Variants in SPATA18 observed in about 807,000 individuals in gnomAD.
SPATA18 encodes mitochondria-eating protein.
A neutral mutation model predicts 68.1 loss-of-function variants in SPATA18; 54 were observed. The observed-to-expected ratio is 0.79, with a 90% CI of 0.64 to 0.99. The LOEUF is 0.99. Among genes scored for constraint, SPATA18 ranks in the 50% least tolerant of loss-of-function variants. The pLI, the probability that SPATA18 is intolerant of heterozygous loss-of-function variation, is 0.00. For missense variants in SPATA18, 724 were observed against 681.1 expected (o/e 1.06, Z -0.70); for synonymous variants, 242 against 244.8 (o/e 0.99, Z 0.11).
chr4:52,087,252 G>A (rs1320030980), intron 11 of SPATA18, among the ~76,000 whole-genome samples: 2 of 152,124 alleles, frequency 1.3e-5, no homozygotes, highest in Non-Finnish European at 2.9e-5. Flanking sequence ...CTTTTGCTGT[G>A]CAAAAGCTCT....
rs140790514 is a variant in SPATA18, at chr4:52,084,971, G to T, written c.1535G>T (p.Cys512Phe). The T allele has an allele frequency of 6.2e-7, 1 of 1,613,524 alleles. No individual in the cohort carries two copies. The highest frequency in any genetic ancestry group is 1.1e-5 in the South Asian group (1 of 91,054). ...RCRSRSLSPI[C>F]PRSQIGLNTM... is the part of the protein sequence containing the mutation. Reference sequence around the variant, plus strand: ...CGAAGCAGGAGTTTAAGTCCCATTTGCCCCCGTAGCCAAATTGGTTTAAAC... The same window carrying T: ...CGAAGCAGGAGTTTAAGTCCCATTTTCCCCCGTAGCCAAATTGGTTTAAAC... The change falls in exon 11 of 13, where the codon TGC (cysteine) becomes TTC (phenylalanine). Residue 512 changes from cysteine (C) to phenylalanine (F), a missense_variant. Physicochemically the swap from Cys to Phe is radical, Grantham distance 205 (BLOSUM62 -2). Transcript: ENST00000295213.
intron 9 of SPATA18, among the ~76,000 whole-genome samples, chr4:52,080,989 A>G (rs1354809019): frequency 6.6e-6 from 1 of 152,206 alleles, no homozygotes. Context: ...ATAGCATGTA[A>G]TATTTTCTTG....
chr4:52,076,750 T>A, intron 6 of SPATA18, 29 bp from the exon 7 acceptor site: 1 of 1,605,878 alleles, frequency 6.2e-7, no homozygotes, highest in Non-Finnish European at 8.5e-7. Context: ...ATCAAAGGAT[T>A]TCCCTGGCTG....
intron 1 of SPATA18, among the ~76,000 whole-genome samples, chr4:52,055,028 T>G (rs1738218318): frequency 6.6e-6 from 1 of 152,094 alleles, no homozygotes; most frequent in Non-Finnish European, 1.5e-5. Flanking sequence ...AGTAGCTTCA[T>G]GCAGTCCAGA....
chr4:52,065,851 C>T (rs886662248), intron 4 of SPATA18, among the ~76,000 whole-genome samples: 1 of 152,184 alleles, frequency 6.6e-6, no homozygotes, highest in African/African-American at 2.4e-5. Flanking sequence ...TGATGAACCC[C>T]CAAGCAAGGG....
In SPATA18 at chr4:52,078,884, C is replaced by G; in HGVS notation, c.1170C>G (p.Ser390Arg). The G allele has an allele frequency of 6.3e-7, 1 of 1,580,742 alleles. No individual in the cohort carries two copies. Among genetic ancestry groups the G allele is most frequent in the African/African-American group, 1.3e-5 (1 of 74,614 alleles). ...ICHLDLYDSQ[S>R]SVNDVIRAMN... is the part of the protein sequence containing the mutation. ...ATCTTGATCTATATGATTCTCAAAG[C>G]AGTGTCAATGTAAGTGTTGAGTCTT... Residue 390 changes from serine (S) to arginine (R), a missense_variant, in exon 8 of 13, where the codon AGC becomes AGG. By Grantham distance (110) the Ser-to-Arg change is moderately radical. Transcript: ENST00000295213.
At chr4:52,085,318 G>A (rs1330902766) in intron 11 of SPATA18, among the ~76,000 whole-genome samples, 1 of 152,126 alleles carries the variant, frequency 6.6e-6, no homozygotes, top group Non-Finnish European at 1.5e-5. Context: ...GGATACCATA[G>A]TCAACTGATC....
At chr4:52,094,738 C>G (rs987988429) in intron 12 of SPATA18, 142 bp from the exon 13 acceptor site, 1 of 1,302,118 alleles carries the variant, frequency 7.7e-7, no homozygotes, top group African/African-American at 1.5e-5. Flanking sequence ...CCAGGCAGGT[C>G]CCATGGGTCA....
At position 52,094,695 on chromosome 4, in the gene SPATA18, A is replaced by T. The variant is rs543264629; in HGVS notation, c.1609+123A>T. 22 of 1,287,642 alleles carry T rather than the reference A, an allele frequency of 1.7e-5. No individual in the cohort carries two copies. The East Asian group carries it at 5.2e-4, about 30-fold the overall frequency. 79.8% of individuals were successfully genotyped at this position (1,287,642 alleles called of 1,614,324 possible). ...AGAGCATCTTTTTCTTACTCCTCAC[A>T]CCTTTCATGTCTGGGCCTCTGGCTG... On this transcript the variant is annotated intron_variant, in intron 12 of 12. Coordinates refer to ENST00000295213, the MANE Select transcript of SPATA18 (RefSeq NM_145263.4).
intron 6 of SPATA18, among the ~76,000 whole-genome samples, chr4:52,076,309 A>G (rs1363985265): frequency 6.6e-6 from 1 of 152,156 alleles, no homozygotes; most frequent in Non-Finnish European, 1.5e-5. Context: ...AGGATACATG[A>G]AAATTTTTAT....
Position 52,069,886 on chromosome 4 carries a change from C to A in SPATA18, c.488C>A (p.Ala163Glu). 6.3e-7 allele frequency: 1 copy of A among 1,590,794 alleles called. No homozygotes were observed. The highest frequency in any genetic ancestry group is 8.6e-7 in the Non-Finnish European group (1 of 1,165,646). ...AGATCGGCCATATCCCTTTTGGCTG[C>A]AGAGGAGGAAATAAATCAGCTGAAA... is the stretch of plus-strand genomic sequence containing the variant. The part of the protein sequence containing the change: ...KNRSAISLLA[A>E]EEEINQLKKQ... The change falls in exon 5 of 13, where the codon GCA becomes GAA. Residue 163 changes from alanine to glutamate, a missense_variant. Coordinates refer to ENST00000295213, the MANE Select transcript of SPATA18 (RefSeq NM_145263.4).
intron 9 of SPATA18, among the ~76,000 whole-genome samples, chr4:52,080,952 A>G (rs1740867920): frequency 6.6e-6 from 1 of 152,228 alleles, no homozygotes; most frequent in Non-Finnish European, 1.5e-5. Context: ...TGCAAATCAC[A>G]ACAATAATGA....
intron 10 of SPATA18, chr4:52,082,972 G>A (rs959899747): frequency 2.0e-6 from 2 of 985,390 alleles, no homozygotes; most frequent in African/African-American, 3.5e-5. Context: ...GGGAGGGATG[G>A]AGACAAAGAG....
In SPATA18 at chr4:52,062,300, A is replaced by T; in HGVS notation, c.390A>T (p.Ser130=). 6.2e-7 allele frequency: 1 copy of T among 1,610,852 alleles called. No individual in the cohort carries two copies. Among genetic ancestry groups the T allele is most frequent in the Non-Finnish European group, 8.5e-7 (1 of 1,178,150 alleles). ...AACAGTTAGACTCTAATTTGAACTCAACCCGGAGTCAATGCAACCAGGTTC... is the reference window on the plus strand; with the variant it reads ...AACAGTTAGACTCTAATTTGAACTCTACCCGGAGTCAATGCAACCAGGTTC... ...DMQQLDSNLN[S]TRSQCNQVQD... Residue 130 remains serine, a synonymous_variant, in exon 4 of 13, where the codon TCA becomes TCT. Coordinates refer to ENST00000295213, the MANE Select transcript of SPATA18 (RefSeq NM_145263.4).
At chr4:52,052,451 C>G (rs549684224) in intron 1 of SPATA18, among the ~76,000 whole-genome samples, 166 of 152,284 alleles carry the variant, frequency 1.1e-3, no homozygotes, top group African/African-American at 3.8e-3. Context: ...TCTCATTAAT[C>G]CCTACTCGCA....
chr4:52,083,457 G>A, intron 10 of SPATA18: 1 of 985,432 alleles, frequency 1.0e-6, no homozygotes, highest in Non-Finnish European at 1.2e-6. Flanking sequence ...TTCCATAAAT[G>A]TTGAGCCCTT....
At chr4:52,073,247 T>C (rs1210950965) in intron 6 of SPATA18, among the ~76,000 whole-genome samples, 1 of 152,212 alleles carries the variant, frequency 6.6e-6, no homozygotes, top group Non-Finnish European at 1.5e-5. Flanking sequence ...AGTCTTGCCT[T>C]ACCCAACCCA....
At chr4:52,071,598 T>C (rs1739846326) in intron 5 of SPATA18, among the ~76,000 whole-genome samples, 1 of 152,146 alleles carries the variant, frequency 6.6e-6, no homozygotes, top group South Asian at 2.1e-4. Context: ...AAGCATGCAG[T>C]TAAGATCTGT....
chr4:52,055,460 AT>A (rs1738258230), intron 1 of SPATA18, among the ~76,000 whole-genome samples: 1 of 152,198 alleles, frequency 6.6e-6, no homozygotes, highest in Non-Finnish European at 1.5e-5. Flanking sequence ...GACTCAATGC[AT>A]TTTACTTCAC....
Sources: gnomAD v4.1 joint callset for allele counts (sites outside exome capture counted in the v4.1 genomes callset) on GRCh38, gnomAD v4.1.1 for gene constraint, MANE v1.5 for transcripts, NCBI Gene and HGNC (gene_info 2026-07-23, HGNC 2026-07-21) for gene names.